Variants in FANCA observed in about 807,000 individuals in gnomAD.
FANCA encodes Fanconi anemia group A protein.
FANCA carries 236 observed loss-of-function variants against 194.3 expected under a neutral mutation model. That is an observed-to-expected ratio of 1.21 (90% confidence interval 1.09 to 1.35). FANCA has a LOEUF of 1.35. Ranked by LOEUF, FANCA falls within the 40% of genes most tolerant of loss-of-function variation. The pLI is 0.00. For missense variants in FANCA, 2,628 were observed against 1,813.9 expected (o/e 1.45, Z -8.15); for synonymous variants, 1,014 against 715.8 (o/e 1.42, Z -6.65).
At chr16:89,797,105 A>T (rs990876581) in intron 10 of FANCA, among the ~76,000 whole-genome samples, 1 of 152,188 alleles carries the variant, frequency 6.6e-6, no homozygotes, top group African/African-American at 2.4e-5. Flanking sequence ...GCTTGCAGTG[A>T]GCAGAGATCG....
chr16:89,766,623 G>C (rs1567615741), intron 27 of FANCA, among the ~76,000 whole-genome samples: 1 of 151,922 alleles, frequency 6.6e-6, no homozygotes. Flanking sequence ...GCTAAGGCAG[G>C]AGAACTGCCT....
intron 28 of FANCA, among the ~76,000 whole-genome samples, chr16:89,762,439 T>A (rs2038982410): frequency 6.6e-6 from 1 of 151,798 alleles, no homozygotes; most frequent in Non-Finnish European, 1.5e-5. Context: ...ACAAAAGATT[T>A]AAAAATCAGC....
chr16:89,771,274 C>T (rs1047352807), intron 23 of FANCA, among the ~76,000 whole-genome samples: 1 of 151,540 alleles, frequency 6.6e-6, no homozygotes, highest in African/African-American at 2.4e-5. Flanking sequence ...GTCGAGGCAA[C>T]ACAGAGAAAC....
intron 8 of FANCA, among the ~76,000 whole-genome samples, chr16:89,801,138 G>A (rs1233148738): frequency 6.6e-6 from 1 of 151,718 alleles, no homozygotes; most frequent in African/African-American, 2.4e-5. Context: ...GAGATCAGAA[G>A]TTCGAGACCA....
chr16:89,738,101 A>G lies in FANCA; in HGVS notation c.*500T>C. 2 of 1,614,004 alleles carry G rather than the reference A, an allele frequency of 1.2e-6. No individual in the cohort carries two copies. Among genetic ancestry groups the G allele is most frequent in the Non-Finnish European group, 1.7e-6 (2 of 1,180,046 alleles). On this transcript the variant is annotated 3_prime_UTR_variant, in exon 43 of 43. Transcript: ENST00000389301. ...TGTGGCCGGCGGTTTGAGAAGGCCC[A>G]CAACCTCAATGTACACATGTCCATG...
chr16:89,814,581 G>A lies in FANCA; in HGVS notation c.222C>T (p.Leu74=). The A allele has an allele frequency of 6.2e-7, 1 of 1,613,850 alleles. No individual in the cohort carries two copies. Among genetic ancestry groups the A allele is most frequent in the Non-Finnish European group, 8.5e-7 (1 of 1,179,768 alleles). ...AACTGTCACAGTCAATCACTTTGCT[G>A]AGAGACAATTTTTTACACAGTGGAC... ...VEGPLCKKLS[L]SKVIDCDSSE... Residue 74 remains leucine, a synonymous_variant, in exon 3 of 43, where the codon CTC becomes CTT. Coordinates refer to ENST00000389301, the MANE Select transcript of FANCA (RefSeq NM_000135.4).
At chr16:89,798,726 C>T (rs2040333619) in intron 10 of FANCA, 2 of 1,335,688 alleles carry the variant, frequency 1.5e-6, no homozygotes, top group East Asian at 6.1e-5. Flanking sequence ...ACTGGTGAAT[C>T]TGAGCAGGAT....
chr16:89,795,657 A>G (rs2040220253), intron 11 of FANCA, among the ~76,000 whole-genome samples: 1 of 152,180 alleles, frequency 6.6e-6, no homozygotes. Context: ...AACAAAAAAG[A>G]TATTTCTATT....
At chr16:89,775,355 A>C (rs138735797) in intron 21 of FANCA, among the ~76,000 whole-genome samples, 172 of 152,304 alleles carry the variant, frequency 1.1e-3, no homozygotes, top group Non-Finnish European at 1.6e-3. Flanking sequence ...TGTGCAACAG[A>C]AAAGTGCTGC....
At chr16:89,813,235 C>T (rs1191327755) in intron 3 of FANCA, among the ~76,000 whole-genome samples, 2 of 151,592 alleles carry the variant, frequency 1.3e-5, no homozygotes, top group African/African-American at 4.8e-5. Flanking sequence ...GGCAATATGG[C>T]AAAACCCTGT....
At chr16:89,740,696 A>C in intron 38 of FANCA, 108 bp downstream of exon 38, 1 of 873,442 alleles carries the variant, frequency 1.1e-6, no homozygotes, top group Non-Finnish European at 1.9e-6. Context: ...CGCAAACACA[A>C]GGAGCTCCTG....
At chr16:89,774,060 C>A (rs1035621052) in intron 21 of FANCA, among the ~76,000 whole-genome samples, 1 of 152,150 alleles carries the variant, frequency 6.6e-6, no homozygotes, top group East Asian at 1.9e-4. Context: ...TGAGCCACTG[C>A]GCCCAGCCAC....
At chr16:89,814,127 T>C (rs563532617) in intron 3 of FANCA, among the ~76,000 whole-genome samples, 1 of 152,272 alleles carries the variant, frequency 6.6e-6, no homozygotes, top group Admixed American at 6.5e-5. Context: ...GACCCAGAAC[T>C]TACCCTATCT....
In FANCA at chr16:89,770,028, C is replaced by T. The variant is rs775272801; in HGVS notation, c.2317-4G>A. ...GTGGGGCACTCAGGCTCGGGCCCTG[C>T]AACGAGAATGAGGGTGGCAGAGCAG... On this transcript the variant is annotated splice_polypyrimidine_tract_variant and splice_region_variant and intron_variant, in intron 25 of 42. Coordinates refer to ENST00000389301, the MANE Select transcript of FANCA (RefSeq NM_000135.4). 6.2e-7 allele frequency: 1 copy of T among 1,612,934 alleles called. No individual in the cohort carries two copies. The highest frequency in any genetic ancestry group is 1.7e-5 in the Admixed American group (1 of 59,924).
intron 23 of FANCA, among the ~76,000 whole-genome samples, 165 bp from the exon 24 acceptor site, chr16:89,770,799 C>G (rs1415188140): frequency 6.6e-6 from 1 of 152,174 alleles, no homozygotes; most frequent in Non-Finnish European, 1.5e-5. Context: ...GTGCCCAGGG[C>G]CCCCATTCCC....
At chr16:89,769,620 T>C in intron 26 of FANCA, 1 of 621,082 alleles carries the variant, frequency 1.6e-6, no homozygotes, top group South Asian at 1.9e-5. Flanking sequence ...AGCAGTTTAG[T>C]ATAATATGAT....
Position 89,769,949 on chromosome 16 carries a change from G to A in FANCA, c.2392C>T (p.Leu798Phe). 1 of 1,614,074 alleles carries A rather than the reference G, an allele frequency of 6.2e-7. No homozygotes were observed. The highest frequency in any genetic ancestry group is 8.5e-7 in the Non-Finnish European group (1 of 1,180,020). Residue 798 changes from leucine (L) to phenylalanine (F), a missense_variant, in exon 26 of 43, where the codon CTC (leucine) becomes TTC (phenylalanine). Coordinates refer to ENST00000389301, the MANE Select transcript of FANCA (RefSeq NM_000135.4). ...AVHLGESRSA[L>F]PEVDVGPPAP... Reference sequence around the variant, plus strand: ...GGAGGACCCACATCCACCTCTGGGAGCGCAGACCTGGACTCACCCAGGTGC... The same window carrying A: ...GGAGGACCCACATCCACCTCTGGGAACGCAGACCTGGACTCACCCAGGTGC...
Position 89,808,384 on chromosome 16 carries a change from A to AC in FANCA, c.523-18_523-17insG. On this transcript the variant is annotated splice_polypyrimidine_tract_variant and intron_variant, in intron 5 of 42. Transcript: ENST00000389301. Reference sequence around the variant, plus strand: ...CAAAGAACTCTGAAAAACAAAACAAAACAAACAAAAACAAAAACAAAAAAA... The same window carrying AC: ...CAAAGAACTCTGAAAAACAAAACAAACACAAACAAAAACAAAAACAAAAAAA... 4 of 1,613,378 alleles carry AC rather than the reference A, an allele frequency of 2.5e-6. No homozygotes were observed. The highest frequency in any genetic ancestry group is 2.2e-5 in the East Asian group (1 of 44,886).
intron 11 of FANCA, among the ~76,000 whole-genome samples, chr16:89,794,905 T>C (rs1350136597): frequency 6.6e-6 from 1 of 151,560 alleles, no homozygotes; most frequent in East Asian, 1.9e-4. Flanking sequence ...AAGGCAAGGG[T>C]AGCCAGCAGA....
Sources: gnomAD v4.1 joint callset for allele counts (sites outside exome capture counted in the v4.1 genomes callset) on GRCh38, gnomAD v4.1.1 for gene constraint, MANE v1.5 for transcripts, NCBI Gene and HGNC (gene_info 2026-07-23, HGNC 2026-07-21) for gene names.